CREB5: variants seen among roughly 807,000 people sequenced by gnomAD.
CREB5 encodes cyclic AMP-responsive element-binding protein 5.
CREB5 carries 19 observed loss-of-function variants against 57.1 expected under a neutral mutation model. The ratio of observed to expected loss-of-function variants is 0.33; its 90% CI spans 0.23 to 0.49. The LOEUF (loss-of-function observed/expected upper bound fraction) is 0.49. Ranked by LOEUF, CREB5 falls within the 20% of genes least tolerant of loss-of-function variation. CREB5 has a pLI of 0.99. For synonymous variants in CREB5, 238 were observed against 238.3 expected, an observed-to-expected ratio of 1.00 and a Z score of 0.01; for missense variants, 579 against 671.6, an observed-to-expected ratio of 0.86 and a Z score of 1.52.
rs573007841 is a variant in CREB5, at chr7:28,677,867, C to T, written c.465-40886C>T. On this transcript the variant is annotated intron_variant, in intron 5 of 10. Transcript: ENST00000357727. ...AACAGCCACTTCACTCCAGCCTGGGCAATGCAGTGAGACCCCATCTCTAAA... is the reference window on the plus strand; with the variant it reads ...AACAGCCACTTCACTCCAGCCTGGGTAATGCAGTGAGACCCCATCTCTAAA... Among the ~76,000 whole-genome samples, 5 of 151,882 alleles carry T rather than the reference C, an allele frequency of 3.3e-5. No homozygotes were observed. The East Asian group carries it at 5.8e-4, about 18-fold the overall frequency.
intron 1 of CREB5, among the ~76,000 whole-genome samples, chr7:28,330,237 G>C (rs1583679946): frequency 6.6e-6 from 1 of 152,126 alleles, no homozygotes; most frequent in Non-Finnish European, 1.5e-5. Flanking sequence ...GCTGTGAAAC[G>C]CCAGCTGCTC....
At chr7:28,726,704 G>A (rs2128750139) in intron 7 of CREB5, 1 of 152,200 alleles carries the variant, frequency 6.6e-6, no homozygotes, top group South Asian at 2.1e-4. Context: ...GTCACACATG[G>A]ACTATTGTGA....
intron 1 of CREB5, among the ~76,000 whole-genome samples, chr7:28,383,386 A>G (rs1376600116): frequency 6.6e-6 from 1 of 152,236 alleles, no homozygotes; most frequent in Non-Finnish European, 1.5e-5. Flanking sequence ...TTGTAAAGAA[A>G]TAGCTGGGAC....
At chr7:28,643,332 GA>G (rs1798755114) in intron 5 of CREB5, among the ~76,000 whole-genome samples, 1 of 152,240 alleles carries the variant, frequency 6.6e-6, no homozygotes, top group South Asian at 2.1e-4. Context: ...CAAGGTCACC[GA>G]CAGGGTGAAT....
chr7:28,458,172 G>A (rs1282751945), intron 1 of CREB5, among the ~76,000 whole-genome samples: 2 of 152,170 alleles, frequency 1.3e-5, no homozygotes, highest in Non-Finnish European at 2.9e-5. Context: ...CTGAGACTGT[G>A]TCTTACTTAT....
At chr7:28,735,630 G>A (rs1803931619) in intron 7 of CREB5, among the ~76,000 whole-genome samples, 1 of 152,188 alleles carries the variant, frequency 6.6e-6, no homozygotes, top group African/African-American at 2.4e-5. Flanking sequence ...TGTTAACCAG[G>A]TTGTAACCTC....
upstream of CREB5, among the ~76,000 whole-genome samples, chr7:28,408,603 T>C (rs1349754249): frequency 1.3e-5 from 2 of 152,294 alleles, no homozygotes; most frequent in East Asian, 3.9e-4. Flanking sequence ...CGTGTCTAAA[T>C]CAGGCTCATC....
intron 4 of CREB5, among the ~76,000 whole-genome samples, chr7:28,560,897 C>CGTGCGTGTGTGTGCGTGTGT (rs1554344444): frequency 0.012 from 264 of 22,524 alleles, 14 homozygotes; most frequent in African/African-American, 0.04. Context: ...CGTGTGTGTG[C>CGTGCGTGTGTGTGCGTGTGT]GTGCGCGCGT....
chr7:28,742,523 G>A (rs922172526), intron 7 of CREB5, among the ~76,000 whole-genome samples: 3 of 150,542 alleles, frequency 2.0e-5, no homozygotes, highest in Non-Finnish European at 3.0e-5. Context: ...CCGAGATGGC[G>A]CCACTGCACT....
intron 4 of CREB5, among the ~76,000 whole-genome samples, chr7:28,561,019 T>TGCGTGC (rs796249724): frequency 2.9e-4 from 9 of 31,376 alleles, no homozygotes; most frequent in East Asian, 1.1e-3. Flanking sequence ...TGTGTGTGCG[T>TGCGTGC]GTGTGCGTGT....
At chr7:28,804,889 C>T (rs763957160) in intron 8 of CREB5, among the ~76,000 whole-genome samples, 20 of 152,178 alleles carry the variant, frequency 1.3e-4, no homozygotes, top group African/African-American at 4.8e-4. Context: ...ATGAGAAAAA[C>T]GAGTTAATTC....
At chr7:28,483,820 C>T (rs1256872612) in intron 1 of CREB5, among the ~76,000 whole-genome samples, 2 of 152,100 alleles carry the variant, frequency 1.3e-5, no homozygotes, top group African/African-American at 4.8e-5. Context: ...CTGAAAGCAC[C>T]TTTGACTTTT....
At chr7:28,318,284 G>A (rs1295736079) in intron 1 of CREB5, among the ~76,000 whole-genome samples, 1 of 152,148 alleles carries the variant, frequency 6.6e-6, no homozygotes, top group Non-Finnish European at 1.5e-5. Flanking sequence ...TATTATTGAC[G>A]TAGCCAATCT....
rs536893724 is a variant in CREB5, at chr7:28,536,716, T to C, written c.291+28979T>C. Among the ~76,000 whole-genome samples, 5 of 152,352 alleles carry C rather than the reference T, an allele frequency of 3.3e-5. No individual in the cohort carries two copies. In the South Asian group the frequency reaches 6.2e-4, roughly 19 times the overall value. ...CTGAACATGGGTGTGGAACATATAC[T>C]AATGACTTGTGAGTGTTACATGTTG... On this transcript the variant is annotated intron_variant, in intron 4 of 10. Transcript: ENST00000357727.
chr7:28,489,815 T>C (rs778851406), intron 2 of CREB5, among the ~76,000 whole-genome samples: 1 of 152,172 alleles, frequency 6.6e-6, no homozygotes, highest in African/African-American at 2.4e-5. Context: ...GCAAAAATTA[T>C]TTTGAAGCAA....
chr7:28,428,321 A>T (rs1788586375), intron 1 of CREB5, among the ~76,000 whole-genome samples: 1 of 152,140 alleles, frequency 6.6e-6, no homozygotes, highest in Non-Finnish European at 1.5e-5. Context: ...GTAGGAAGCT[A>T]TTGGATAGTT....
chr7:28,446,708 C>T (rs572927512), intron 1 of CREB5, among the ~76,000 whole-genome samples: 2 of 152,234 alleles, frequency 1.3e-5, no homozygotes, highest in African/African-American at 2.4e-5. Flanking sequence ...AGGAGACTGG[C>T]GTGAACCCGG....
intron 1 of CREB5, among the ~76,000 whole-genome samples, chr7:28,355,551 C>A (rs1367627029): frequency 1.3e-5 from 2 of 151,980 alleles, no homozygotes; most frequent in Admixed American, 1.3e-4. Flanking sequence ...AGCAGTGGAG[C>A]CTGTTATATT....
intron 7 of CREB5, among the ~76,000 whole-genome samples, chr7:28,751,476 G>A (rs1353409402): frequency 1.3e-5 from 2 of 152,212 alleles, no homozygotes; most frequent in South Asian, 2.1e-4. Context: ...CCACTCAGTC[G>A]TTGAGTTGCT....
Sources: gnomAD v4.1 joint callset for allele counts (sites outside exome capture counted in the v4.1 genomes callset) on GRCh38, gnomAD v4.1.1 for gene constraint, MANE v1.5 for transcripts, NCBI Gene and HGNC (gene_info 2026-07-23, HGNC 2026-07-21) for gene names.